ATP10B: variants seen among roughly 807,000 people sequenced by gnomAD.
The protein encoded by ATP10B is ATPase phospholipid transporting 10B (putative).
ATP10B carries 122 observed loss-of-function variants against 141.2 expected under a neutral mutation model. That is an observed-to-expected ratio of 0.86 (90% CI 0.75 to 1.00). The LOEUF (loss-of-function observed/expected upper bound fraction) is 1.00, where lower values mean the gene tolerates loss of function less well. ATP10B is among the 50% of genes least tolerant of loss of function. The pLI is 0.00. For synonymous variants in ATP10B, 685 were observed against 692.0 expected (o/e 0.99, Z 0.16); for missense variants, 1,876 against 1,825.3 (o/e 1.03, Z -0.51).
intron 1 of ATP10B, among the ~76,000 whole-genome samples, chr5:160,851,665 A>C (rs1753823497): frequency 6.6e-6 from 1 of 152,144 alleles, no homozygotes; most frequent in South Asian, 2.1e-4. Flanking sequence ...ATTATTTATC[A>C]TAAAATGTAT....
At chr5:160,596,269 T>G (rs1415095284) in intron 22 of ATP10B, among the ~76,000 whole-genome samples, 1 of 152,158 alleles carries the variant, frequency 6.6e-6, no homozygotes, top group Non-Finnish European at 1.5e-5. Context: ...ATCCAGCATA[T>G]AAACAGAACC....
At chr5:160,800,704 T>C (rs937476823) in intron 1 of ATP10B, among the ~76,000 whole-genome samples, 5 of 152,372 alleles carry the variant, frequency 3.3e-5, no homozygotes, top group Admixed American at 6.5e-5. Flanking sequence ...ATTGGTTTCT[T>C]TCTTCACTGG....
chr5:160,566,002 A>G lies in ATP10B; in HGVS notation c.3939-102T>C, dbSNP rs1754515341. 5 of 1,132,584 alleles carry G rather than the reference A, an allele frequency of 4.4e-6. No individual in the cohort carries two copies. The African/African-American group carries it at 7.8e-5, about 18-fold the overall frequency. The allele number at this position is 1,132,584 out of a possible 1,614,324, so 70.2% of individuals were successfully genotyped here. On this transcript the variant is annotated intron_variant, in intron 25 of 25. Transcript: ENST00000327245. ...TAGAATCCAACTCCCTGCCTGGAGC[A>G]AGATCCTCTTTACTGCTATTAAATC... is the stretch of plus-strand genomic sequence containing the variant.
At chr5:160,576,155 G>T (rs1363924120) in intron 24 of ATP10B, among the ~76,000 whole-genome samples, 1 of 152,160 alleles carries the variant, frequency 6.6e-6, no homozygotes, top group Non-Finnish European at 1.5e-5. Context: ...TGTTTGGATG[G>T]GGTTCTGGGT....
At chr5:160,760,828 G>A (rs1052758188) in intron 2 of ATP10B, among the ~76,000 whole-genome samples, 11 of 152,114 alleles carry the variant, frequency 7.2e-5, no homozygotes, top group Non-Finnish European at 1.5e-5. Flanking sequence ...ATTGGCCTGA[G>A]AACCACACCC....
chr5:160,821,587 G>A (rs184528945), intron 1 of ATP10B, among the ~76,000 whole-genome samples: 5 of 152,052 alleles, frequency 3.3e-5, no homozygotes, highest in African/African-American at 7.2e-5. Flanking sequence ...AGAATTAGAA[G>A]AATCACATTA....
In ATP10B at chr5:160,620,861, G is replaced by A; in HGVS notation, c.1902C>T (p.Ser634=). The A allele has an allele frequency of 6.2e-7, 1 of 1,614,178 alleles. No individual in the cohort carries two copies. Residue 634 remains serine (S), a synonymous_variant, in exon 15 of 26, where the codon AGC becomes AGT. Coordinates refer to ENST00000327245, the MANE Select transcript of ATP10B (RefSeq NM_025153.3). ...LFQKLKLLSL[S]QSFSSTAPSD... ...AGGGTGCAGTGGATGAGAATGACTG[G>A]CTGAGGCTCAATAGCTTCAACTTCT...
chr5:160,906,197 T>C, the ATP10B span, among the ~76,000 whole-genome samples: 1 of 152,202 alleles, frequency 6.6e-6, no homozygotes, highest in Non-Finnish European at 1.5e-5. Flanking sequence ...ATGTTAACGT[T>C]GTAAAATATT....
chr5:160,715,869 C>T (rs965613308), intron 3 of ATP10B, among the ~76,000 whole-genome samples: 8 of 151,966 alleles, frequency 5.3e-5, no homozygotes, highest in Non-Finnish European at 1.2e-4. Context: ...TACCACTACG[C>T]CTGGCTAATT....
intron 25 of ATP10B, 69 bp from the exon 26 acceptor site, chr5:160,565,969 A>T: frequency 6.9e-7 from 1 of 1,446,528 alleles, no homozygotes; most frequent in Non-Finnish European, 9.3e-7. Flanking sequence ...GCATTAAAAG[A>T]TAGTCTTTAG....
chr5:160,845,982 C>A (rs1015332384), intron 1 of ATP10B, among the ~76,000 whole-genome samples: 2 of 152,054 alleles, frequency 1.3e-5, no homozygotes, highest in African/African-American at 4.8e-5. Context: ...TAAAAATATT[C>A]TTTTGCTTTG....
chr5:160,912,730 G>A, the ATP10B span, among the ~76,000 whole-genome samples: 6 of 152,038 alleles, frequency 3.9e-5, no homozygotes, highest in Non-Finnish European at 5.9e-5. Flanking sequence ...AAAAGAGAGA[G>A]AGAGAAAGAA....
intron 2 of ATP10B, among the ~76,000 whole-genome samples, chr5:160,772,130 G>T (rs549394697): frequency 6.6e-6 from 1 of 152,348 alleles, no homozygotes; most frequent in Non-Finnish European, 1.5e-5. Flanking sequence ...AATCTTTTGG[G>T]TTAATACCCA....
chr5:160,787,089 G>C (rs1771206706), intron 1 of ATP10B, among the ~76,000 whole-genome samples: 1 of 142,242 alleles, frequency 7.0e-6, no homozygotes. Context: ...CCTGCTCCTT[G>C]AAGGGTTTTG....
chr5:160,853,956 T>C (rs993293144), upstream of ATP10B, among the ~76,000 whole-genome samples: 5 of 152,186 alleles, frequency 3.3e-5, no homozygotes, highest in African/African-American at 1.2e-4. Context: ...CATTTTTGTA[T>C]GTATTTGCAT....
chr5:160,707,567 C>T (rs541678818), intron 3 of ATP10B, among the ~76,000 whole-genome samples: 3 of 152,140 alleles, frequency 2.0e-5, no homozygotes, highest in African/African-American at 2.4e-5. Context: ...TTGTAATATG[C>T]GCATGTTATG....
intron 15 of ATP10B, among the ~76,000 whole-genome samples, chr5:160,618,187 T>A (rs567289371): frequency 6.6e-6 from 1 of 152,304 alleles, no homozygotes; most frequent in African/African-American, 2.4e-5. Context: ...TCTACATCTT[T>A]TCATCAAAAG....
At chr5:160,623,965 C>T (rs973378378) in intron 13 of ATP10B, among the ~76,000 whole-genome samples, 2 of 152,216 alleles carry the variant, frequency 1.3e-5, no homozygotes, top group African/African-American at 4.8e-5. Context: ...GCTCTAACTA[C>T]AGCTTTTTTG....
At chr5:160,615,389 A>G (rs768108543) in intron 17 of ATP10B, among the ~76,000 whole-genome samples, 1 of 150,464 alleles carries the variant, frequency 6.6e-6, no homozygotes, top group Non-Finnish European at 1.5e-5. Context: ...CCATCCCACC[A>G]GGCCCATCTG....
Sources: gnomAD v4.1 joint callset for allele counts (sites outside exome capture counted in the v4.1 genomes callset) on GRCh38, gnomAD v4.1.1 for gene constraint, MANE v1.5 for transcripts, NCBI Gene and HGNC (gene_info 2026-07-23, HGNC 2026-07-21) for gene names.